Variants in EXD2 observed in about 807,000 individuals in gnomAD.
EXD2 encodes exonuclease 3'-5' domain-containing protein 2.
A neutral mutation model predicts 62.5 loss-of-function variants in EXD2; 40 were observed. The ratio of observed to expected loss-of-function variants is 0.64; its 90% confidence interval spans 0.50 to 0.83. The LOEUF (loss-of-function observed/expected upper bound fraction) is 0.83, where lower values mean the gene tolerates loss of function less well. Ranked by LOEUF, EXD2 falls within the 40% of genes least tolerant of loss-of-function variation. EXD2 has a pLI of 0.00. For missense variants in EXD2, 671 were observed against 761.8 expected, an observed-to-expected ratio of 0.88 and a Z score of 1.40; for synonymous variants, 239 against 291.9, an observed-to-expected ratio of 0.82 and a Z score of 1.85.
At chr14:69,228,224 T>C (rs1427097475) in intron 3 of EXD2, among the ~76,000 whole-genome samples, 3 of 137,216 alleles carry the variant, frequency 2.2e-5, no homozygotes, top group African/African-American at 5.3e-5. Flanking sequence ...AGAGTTTCAC[T>C]CTTGTCGTTC....
chr14:69,212,729 A>G, intron 3 of EXD2, among the ~76,000 whole-genome samples: 1 of 116,110 alleles, frequency 8.6e-6, no homozygotes, highest in African/African-American at 3.1e-5. Flanking sequence ...TTTTTTTGAG[A>G]CAAGATCTTA....
chr14:69,199,019 A>C (rs1275049218), intron 1 of EXD2, among the ~76,000 whole-genome samples: 5 of 152,198 alleles, frequency 3.3e-5, no homozygotes, highest in African/African-American at 1.2e-4. Context: ...TGAGGCGGGC[A>C]GATCACCTGA....
At position 69,241,107 on chromosome 14, in the gene EXD2, CT is replaced by C. The variant is rs766372070; in HGVS notation, c.*10del. Reference sequence around the variant, plus strand: ...TCCCATCCAGCTGTCTTGATAGCTGCTTTCCTCCCAGTTAGGACAAGTGGGA... The same window carrying C: ...TCCCATCCAGCTGTCTTGATAGCTGCTTCCTCCCAGTTAGGACAAGTGGGA... On this transcript the variant is annotated 3_prime_UTR_variant, in exon 10 of 10. Coordinates refer to ENST00000685843, the MANE Select transcript of EXD2 (RefSeq NM_001193360.2). The C allele has an allele frequency of 3.7e-6, 6 of 1,610,656 alleles. No individual in the cohort carries two copies. The highest frequency in any genetic ancestry group is 4.2e-6 in the Non-Finnish European group (5 of 1,179,100).
chr14:69,238,620 A>C lies in EXD2; in HGVS notation c.1649+689A>C, dbSNP rs577693368. Reference sequence around the variant, plus strand: ...GATAGTTTTTTTTTTTTTTTTTCCAAATAGTTTTGTGGTTTTTTTGTTTTG... The same window carrying C: ...GATAGTTTTTTTTTTTTTTTTTCCACATAGTTTTGTGGTTTTTTTGTTTTG... On this transcript the variant is annotated intron_variant, in intron 9 of 9. Transcript: ENST00000685843. 1.1e-4 allele frequency among the ~76,000 whole-genome samples: 17 copies of C among 148,958 alleles called. No homozygotes were observed. In the Middle Eastern group the frequency reaches 0.014, roughly 120 times the overall value.
intron 1 of EXD2, among the ~76,000 whole-genome samples, chr14:69,199,218 T>A (rs918749665): frequency 2.0e-5 from 3 of 152,240 alleles, no homozygotes; most frequent in Non-Finnish European, 4.4e-5. Flanking sequence ...CACACCAGCC[T>A]GGGCAACAGA....
intron 1 of EXD2, among the ~76,000 whole-genome samples, chr14:69,196,999 C>T (rs535475815): frequency 2.8e-4 from 43 of 152,276 alleles, no homozygotes; most frequent in African/African-American, 1.0e-3. Context: ...ATTTCCCTAA[C>T]AGCTCATGAT....
At position 69,242,936 on chromosome 14, in the gene EXD2, G is replaced by T. The variant is rs539852419; in HGVS notation, c.*1836G>T. ...GAAAAATTTTTCCTTTGAAACAAGG[G>T]AGTAGGGCTGTTTCATTTTCTTTCC... On this transcript the variant is annotated 3_prime_UTR_variant, in exon 10 of 10. Coordinates refer to ENST00000685843, the MANE Select transcript of EXD2 (RefSeq NM_001193360.2). 2.0e-5 allele frequency: 3 copies of T among 152,316 alleles called. No homozygotes were observed. The highest frequency in any genetic ancestry group is 2.0e-4 in the Admixed American group (3 of 15,304). The allele number at this position is 152,316 out of a possible 1,614,324, so 9.4% of individuals were successfully genotyped here. A position where few individuals can be genotyped will look rare whatever the true frequency, so the allele number is the denominator to read the frequency against.
intron 1 of EXD2, among the ~76,000 whole-genome samples, chr14:69,194,941 G>T (rs533192339): frequency 6.6e-6 from 1 of 152,196 alleles, no homozygotes; most frequent in Admixed American, 6.5e-5. Context: ...GATGGGAGCC[G>T]GGCGCGGTGG....
intron 5 of EXD2, among the ~76,000 whole-genome samples, chr14:69,233,284 A>G (rs1167799439): frequency 6.6e-6 from 1 of 152,170 alleles, no homozygotes; most frequent in African/African-American, 2.4e-5. Context: ...AGTATAAATG[A>G]TCCTTACTAA....
intron 3 of EXD2, among the ~76,000 whole-genome samples, chr14:69,219,033 A>C (rs2043080368): frequency 6.6e-6 from 1 of 152,154 alleles, no homozygotes; most frequent in Non-Finnish European, 1.5e-5. Flanking sequence ...AGTTTTTTCC[A>C]ATTCTGTGAA....
rs183591560 is a variant in EXD2, at chr14:69,224,944, A to C, written c.334-3872A>C. Among the ~76,000 whole-genome samples, 583 of 152,128 alleles carry C rather than the reference A, an allele frequency of 3.8e-3. 5 individuals are homozygous for C. Among genetic ancestry groups the C allele is most frequent in the African/African-American group, 0.012 (509 of 41,486 alleles). On this transcript the variant is annotated intron_variant, in intron 3 of 9. Transcript: ENST00000685843. ...CAGTGAGCCGAGATCACACCACTGCACTCCAGCCTGGCAACAGAGACTCCG... is the reference window on the plus strand; with the variant it reads ...CAGTGAGCCGAGATCACACCACTGCCCTCCAGCCTGGCAACAGAGACTCCG...
At position 69,219,299 on chromosome 14, in the gene EXD2, G is replaced by T. The variant is rs546102516; in HGVS notation, c.333+9496G>T. 7.2e-5 allele frequency among the ~76,000 whole-genome samples: 11 copies of T among 152,140 alleles called. No homozygotes were observed. In the South Asian group the frequency reaches 1.9e-3, roughly 26 times the overall value. On this transcript the variant is annotated intron_variant, in intron 3 of 9. Transcript: ENST00000685843. ...TGAATGGGAGTTCACTCATGATTTG[G>T]CTCTCTGTTTGTCTGTTATTGGTGT...
chr14:69,229,172 G>A (rs950606837), intron 4 of EXD2, 100 bp downstream of exon 4: 7 of 1,464,764 alleles, frequency 4.8e-6, no homozygotes, highest in Non-Finnish European at 6.5e-6. Flanking sequence ...ATGTGAAATT[G>A]TATAGGAGCC....
At chr14:69,197,826 T>C (rs1196661230) in intron 1 of EXD2, among the ~76,000 whole-genome samples, 1 of 152,270 alleles carries the variant, frequency 6.6e-6, no homozygotes, top group Non-Finnish European at 1.5e-5. Context: ...AATTTACATA[T>C]TATTTTGAGT....
intron 2 of EXD2, among the ~76,000 whole-genome samples, chr14:69,205,940 A>G (rs1408312185): frequency 6.6e-6 from 1 of 151,696 alleles, no homozygotes; most frequent in Non-Finnish European, 1.5e-5. Context: ...TTTATTTGAG[A>G]CATAGTCTCA....
chr14:69,192,536 A>G (rs1464376820), intron 1 of EXD2, among the ~76,000 whole-genome samples: 4 of 152,056 alleles, frequency 2.6e-5, no homozygotes, highest in Non-Finnish European at 5.9e-5. Context: ...CTTGGTGGTG[A>G]GGGTGGGGAG....
intron 3 of EXD2, among the ~76,000 whole-genome samples, chr14:69,218,781 T>G (rs868221756): frequency 9.9e-5 from 15 of 152,242 alleles, no homozygotes; most frequent in Middle Eastern, 3.2e-3. Flanking sequence ...TCCCCATTTC[T>G]TGTTTTTTTC....
chr14:69,229,132 T>C, intron 4 of EXD2, 60 bp downstream of exon 4: 2 of 1,594,402 alleles, frequency 1.3e-6, no homozygotes, highest in Non-Finnish European at 1.7e-6. Context: ...TTAGCCAGAT[T>C]TGTAGATGCC....
intron 5 of EXD2, among the ~76,000 whole-genome samples, chr14:69,232,525 G>A (rs985130260): frequency 3.3e-5 from 5 of 152,094 alleles, no homozygotes; most frequent in African/African-American, 1.2e-4. Flanking sequence ...GTGTATGAGG[G>A]TGTCGGGGTT....
Sources: gnomAD v4.1 joint callset for allele counts (sites outside exome capture counted in the v4.1 genomes callset) on GRCh38, gnomAD v4.1.1 for gene constraint, MANE v1.5 for transcripts, NCBI Gene and HGNC (gene_info 2026-07-23, HGNC 2026-07-21) for gene names.